The following LILRB4 variants were observed in gnomAD, a reference collection of about 807,000 sequenced individuals.
LILRB4 encodes leukocyte immunoglobulin-like receptor subfamily B member 4.
A neutral mutation model predicts 55.2 loss-of-function variants in LILRB4; 49 were observed. The ratio of observed to expected loss-of-function variants is 0.89; its 90% CI spans 0.71 to 1.13. LILRB4 has a LOEUF of 1.13. Ranked by LOEUF, LILRB4 falls within the 50% of genes most tolerant of loss-of-function variation. The pLI, the probability that LILRB4 is intolerant of heterozygous loss-of-function variation, is 0.00. For synonymous variants in LILRB4, 229 were observed against 213.8 expected (o/e 1.07, Z -0.62); for missense variants, 590 against 555.2 (o/e 1.06, Z -0.63).
At chr19:54,668,135 A>G (rs2146425560) in exon 12 of LILRB4, 3 of 1,192,102 alleles carry the variant, frequency 2.5e-6, no homozygotes, top group Non-Finnish European at 3.6e-6. Context: ...GACACAGACC[A>G]CTAGAAGATT....
In LILRB4 at chr19:54,667,344, C is replaced by G. The variant is rs541668213; in HGVS notation, c.1042-294C>G. The G allele has an allele frequency of 8.1e-6, 5 of 616,290 alleles. No homozygotes were observed. The South Asian group carries it at 9.6e-5, about 12-fold the overall frequency. 38.2% of individuals were successfully genotyped at this position (616,290 alleles called of 1,614,324 possible). A position where few individuals can be genotyped will look rare whatever the true frequency, so the allele number is the denominator to read the frequency against. Reference sequence around the variant, plus strand: ...TGGACGGAGAGGGCCACGTGATCCTCTAATGGACGAGCCCCTGCAGGCAGA... The same window carrying G: ...TGGACGGAGAGGGCCACGTGATCCTGTAATGGACGAGCCCCTGCAGGCAGA... On this transcript the variant is annotated intron_variant, in intron 10 of 11. Transcript: ENST00000430952.
exon 1 of LILRB4, chr19:54,663,033 C>T: frequency 6.2e-7 from 1 of 1,613,980 alleles, no homozygotes; most frequent in Non-Finnish European, 8.5e-7. Context: ...GAGGAGACGC[C>T]ATGATCCCCA....
intron 10 of LILRB4, 110 bp from the exon 11 acceptor site, chr19:54,667,525 G>T (rs1257727409): frequency 6.4e-7 from 1 of 1,550,988 alleles, no homozygotes; most frequent in Admixed American, 1.8e-5. Flanking sequence ...GCATCCCTGA[G>T]ATTCCGTCAG....
At chr19:54,664,074 T>G in intron 3 of LILRB4, 36 bp downstream of exon 3, 1 of 1,168,766 alleles carries the variant, frequency 8.6e-7, no homozygotes, top group Non-Finnish European at 1.3e-6. Context: ...CCCCAGGCTC[T>G]GCCCTCAGGA....
At chr19:54,663,410 C>T (rs1261630538) in intron 1 of LILRB4, 122 bp from the exon 2 acceptor site, 5 of 1,361,888 alleles carry the variant, frequency 3.7e-6, no homozygotes, top group Non-Finnish European at 2.0e-6. Flanking sequence ...CGCACCACCG[C>T]ACTCCAGCCT....
At chr19:54,668,100 T>C in exon 12 of LILRB4, 1 of 1,548,412 alleles carries the variant, frequency 6.5e-7, no homozygotes, top group Non-Finnish European at 8.8e-7. Flanking sequence ...TAGACATCAC[T>C]GAACCCCAGC....
In LILRB4 at chr19:54,666,865, T is replaced by A; in HGVS notation, c.1041+116T>A. ...CAGCATCGTCACGGTGGACCCCTCCTTGTCCAGCACGCTGCCTCCTGCCTG... is the reference window on the plus strand; with the variant it reads ...CAGCATCGTCACGGTGGACCCCTCCATGTCCAGCACGCTGCCTCCTGCCTG... On this transcript the variant is annotated intron_variant, in intron 10 of 11. Coordinates refer to ENST00000430952, the Ensembl canonical transcript of LILRB4. This position sits in a 1 kb window ranked among gnomAD's most constrained non-coding sequence, Gnocchi z 4.8. 1 of 1,052,018 alleles carries A rather than the reference T, an allele frequency of 9.5e-7. No individual in the cohort carries two copies. Among genetic ancestry groups the A allele is most frequent in the South Asian group, 1.3e-5 (1 of 79,710 alleles). 65.2% of individuals were successfully genotyped at this position (1,052,018 alleles called of 1,614,324 possible).
At position 54,665,873 on chromosome 19, in the gene LILRB4, C is replaced by T. The variant is rs768035893; in HGVS notation, c.816C>T (p.Leu272=). The change falls in exon 7 of 12, where the codon CTC becomes CTT. Residue 272 remains leucine (L), a synonymous_variant. Transcript: ENST00000430952. This position sits in a 1 kb window ranked among gnomAD's most constrained non-coding sequence, Gnocchi z 5.5. ...TCTTGGTGGTCTCCATCCTGCTTCT[C>T]TCCCTCCTCCTCTTCCTCCTCCTCC... 8 of 1,613,698 alleles carry T rather than the reference C, an allele frequency of 5.0e-6. No homozygotes were observed. Among genetic ancestry groups the T allele is most frequent in the Non-Finnish European group, 5.9e-6 (7 of 1,179,906 alleles).
chr19:54,666,328 A>G lies in LILRB4; in HGVS notation c.950+13A>G, dbSNP rs2065260808. The G allele has an allele frequency of 1.9e-6, 3 of 1,609,264 alleles. No homozygotes were observed. The highest frequency in any genetic ancestry group is 2.2e-5 in the East Asian group (1 of 44,832). ...GCCTACAGAGGAGGTAATTCTGCCC[A>G]AAGACCTCAGACTCCCACCCATCCC... is the stretch of plus-strand genomic sequence containing the variant. On this transcript the variant is annotated intron_variant, in intron 8 of 11. Transcript: ENST00000430952. This position sits in a 1 kb window ranked among gnomAD's most constrained non-coding sequence, Gnocchi z 4.8.
chr19:54,664,222 G>A (rs1467173859), exon 4 of LILRB4: 2 of 1,613,988 alleles, frequency 1.2e-6, no homozygotes, highest in African/African-American at 1.3e-5. Flanking sequence ...GCCCTGCCGA[G>A]TCCTCTTGTG....
chr19:54,668,113 G>A, exon 12 of LILRB4: 2 of 1,457,934 alleles, frequency 1.4e-6, no homozygotes, highest in Admixed American at 3.8e-5. Flanking sequence ...ACCCCAGCCA[G>A]CCCAGACCCC....
intron 4 of LILRB4, 30 bp downstream of exon 4, chr19:54,664,515 C>G: frequency 6.4e-7 from 1 of 1,566,568 alleles, no homozygotes; most frequent in Non-Finnish European, 8.7e-7. Flanking sequence ...CCTCTCTGAG[C>G]TCAGTGGCTC....
intron 10 of LILRB4, 127 bp from the exon 11 acceptor site, chr19:54,667,508 C>T (rs975408281): frequency 1.3e-5 from 20 of 1,520,008 alleles, no homozygotes; most frequent in Non-Finnish European, 1.7e-5. Context: ...CCCTCCACGG[C>T]CTTAGGGCAT....
rs1015433968 is a variant in LILRB4, at chr19:54,665,244, C to A, written c.757+64C>A. 11 of 1,514,584 alleles carry A rather than the reference C, an allele frequency of 7.3e-6. No individual in the cohort carries two copies. Among genetic ancestry groups the A allele is most frequent in the East Asian group, 2.6e-5 (1 of 38,918 alleles). The allele number at this position is 1,514,584 out of a possible 1,614,324, so 93.8% of individuals were successfully genotyped here. The stretch of plus-strand genomic sequence containing the variant: ...AGGGGAGCCAAGGGTGGGTTCTGTC[C>A]TAGGTTAAGGCTCCTCTGGAGGTGG... On this transcript the variant is annotated intron_variant, in intron 6 of 11. Coordinates refer to ENST00000430952, the Ensembl canonical transcript of LILRB4. This position sits in a 1 kb window ranked among gnomAD's most constrained non-coding sequence, Gnocchi z 5.5.
At position 54,666,044 on chromosome 19, in the gene LILRB4, A is replaced by C. The variant is rs1412796000; in HGVS notation, c.874+113A>C. The C allele has an allele frequency of 3.5e-6, 5 of 1,429,704 alleles. No homozygotes were observed. In the East Asian group the frequency reaches 9.2e-5, roughly 26 times the overall value. 88.6% of individuals were successfully genotyped at this position (1,429,704 alleles called of 1,614,324 possible). ...TAGAAACTCTGCTCCAGAAATTCCC[A>C]GTGAGAAAATCTAGAAAGAAGAAAA... is the stretch of plus-strand genomic sequence containing the variant. On this transcript the variant is annotated intron_variant, in intron 7 of 11. Coordinates refer to ENST00000430952, the Ensembl canonical transcript of LILRB4. The surrounding 1 kb of genome is among the most constrained non-coding windows in gnomAD (Gnocchi z 4.8).
chr19:54,667,231 A>C (rs117948917), intron 10 of LILRB4: 26,374 of 503,084 alleles, frequency 0.052, 460 homozygotes, highest in Non-Finnish European at 0.066. Context: ...AAGGAACATA[A>C]ACCAGGTAAA....
In LILRB4 at chr19:54,665,662, A is replaced by G; in HGVS notation, c.758-153A>G. On this transcript the variant is annotated intron_variant, in intron 6 of 11. Transcript: ENST00000430952. This position sits in a 1 kb window ranked among gnomAD's most constrained non-coding sequence, Gnocchi z 5.5. ...TGAGCCTCAGTTTGTGCATCTGTGA[A>G]ATGGGTGGAGAGAGGGTGGCAATCT... is the stretch of plus-strand genomic sequence containing the variant. 3 of 987,982 alleles carry G rather than the reference A, an allele frequency of 3.0e-6. No homozygotes were observed. Among genetic ancestry groups the G allele is most frequent in the East Asian group, 5.2e-5 (2 of 38,274 alleles). 61.2% of individuals were successfully genotyped at this position (987,982 alleles called of 1,614,324 possible). A position where few individuals can be genotyped will look rare whatever the true frequency, so the allele number is the denominator to read the frequency against.
rs751480384 is a variant in LILRB4 at position 54,667,804 on chromosome 19, T to C, written c.1197+11T>C. On this transcript the variant is annotated intron_variant, in intron 11 of 11. Coordinates refer to ENST00000430952, the Ensembl canonical transcript of LILRB4. ...CAGATGGACACTGAGGTGAGTCCTTTCCTCTCCAGGCCCCCAGGCCTCCCC... is the reference window on the plus strand; with the variant it reads ...CAGATGGACACTGAGGTGAGTCCTTCCCTCTCCAGGCCCCCAGGCCTCCCC... The C allele has an allele frequency of 3.7e-6, 6 of 1,610,264 alleles. No homozygotes were observed. The highest frequency in any genetic ancestry group is 1.1e-5 in the South Asian group (1 of 90,958).
In LILRB4 at chr19:54,663,814, CTG is replaced by C. The variant is rs1306820625; in HGVS notation, c.134_135del (p.Val45AspfsTer17). The C allele has an allele frequency of 1.7e-5, 28 of 1,614,168 alleles. No homozygotes were observed. The highest frequency in any genetic ancestry group is 2.3e-5 in the Non-Finnish European group (27 of 1,180,020). ...GGCTCTGTGATCAGCTGGGGGAACT[CTG>C]TGACCATCTGGTGTCAGGGGACCCT... is the stretch of plus-strand genomic sequence containing the variant. On this transcript the variant is annotated frameshift_variant, in exon 3 of 12. Transcript: ENST00000430952. LOFTEE classifies it high-confidence loss of function.
Sources: allele counts gnomAD v4.1 joint callset, GRCh38; gene constraint gnomAD v4.1.1; non-coding constraint Gnocchi (gnomAD v3.1); transcripts MANE v1.5; gene names NCBI Gene and HGNC (gene_info 2026-07-23, HGNC 2026-07-21).